SFI1: variants seen among roughly 807,000 people sequenced by gnomAD.
SFI1 encodes SFI1 centrin binding protein.
A neutral mutation model predicts 207.5 loss-of-function variants in SFI1; 195 were observed. The observed-to-expected ratio is 0.94, with a 90% CI of 0.84 to 1.06. The LOEUF (loss-of-function observed/expected upper bound fraction) is 1.06, where lower values mean the gene tolerates loss of function less well. Ranked by LOEUF, SFI1 falls within the 50% of genes least tolerant of loss-of-function variation. The pLI is 0.00. For missense variants in SFI1, 1,634 were observed against 1,588.0 expected, an observed-to-expected ratio of 1.03 and a Z score of -0.49; for synonymous variants, 630 against 598.9, an observed-to-expected ratio of 1.05 and a Z score of -0.76.
In SFI1 at chr22:31,615,196, C is replaced by T; in HGVS notation, c.3217C>T (p.Pro1073Ser). 2.5e-6 allele frequency: 4 copies of T among 1,582,646 alleles called. No individual in the cohort carries two copies. Among genetic ancestry groups the T allele is most frequent in the South Asian group, 1.1e-5 (1 of 88,974 alleles). ...GTCAAGCGCCCCTGGCCCGAAGCAGCCCCCGACGGCAAGCACAGGCCCGGA... is the reference window on the plus strand; with the variant it reads ...GTCAAGCGCCCCTGGCCCGAAGCAGTCCCCGACGGCAAGCACAGGCCCGGA... ...ALSSAPGPKQ[P>S]PTASTGPELL... The change falls in exon 29 of 33, where the codon CCC (proline) becomes TCC (serine). Residue 1073 changes from proline (P) to serine (S), a missense_variant. Transcript: ENST00000400288.
intron 8 of SFI1, among the ~76,000 whole-genome samples, chr22:31,566,394 C>A (rs1459440260): frequency 6.6e-6 from 1 of 152,116 alleles, no homozygotes; most frequent in Non-Finnish European, 1.5e-5. Flanking sequence ...TGCCCGGCCC[C>A]CAGTTTCTTT....
rs1198228561 is a variant in SFI1 at position 31,541,884 on chromosome 22, C to CCT, written c.339-4977_339-4976insCT. ...TTGGGAGGCCGAGGTGGGCGGATCA[C>CCT]GAGGTCAGGAGATCAAGACCATCCT... On this transcript the variant is annotated intron_variant, in intron 4 of 32. Transcript: ENST00000400288. Among the ~76,000 whole-genome samples, 4 of 151,494 alleles carry CCT rather than the reference C, an allele frequency of 2.6e-5. No homozygotes were observed. In the East Asian group the frequency reaches 7.8e-4, roughly 30 times the overall value.
chr22:31,572,125 G>A (rs2063013507), intron 8 of SFI1, among the ~76,000 whole-genome samples: 1 of 152,154 alleles, frequency 6.6e-6, no homozygotes, highest in African/African-American at 2.4e-5. Context: ...AGAGCCCGTG[G>A]GCAGGTGGGT....
intron 24 of SFI1, chr22:31,612,397 A>AG (rs2070430300): frequency 3.1e-5 from 3 of 98,294 alleles, no homozygotes; most frequent in Non-Finnish European, 6.0e-5. Flanking sequence ...AAAAAAAAAA[A>AG]AATATATATA....
At chr22:31,501,257 T>C (rs2053720288) in intron 1 of SFI1, among the ~76,000 whole-genome samples, 1 of 151,612 alleles carries the variant, frequency 6.6e-6, no homozygotes, top group African/African-American at 2.4e-5. Context: ...CTGCAAGTTC[T>C]GCCTCCTGGG....
intron 20 of SFI1, 115 bp downstream of exon 20, chr22:31,605,060 A>C (rs1022378056): frequency 4.7e-6 from 4 of 855,452 alleles, no homozygotes; most frequent in Middle Eastern, 3.6e-4. Flanking sequence ...CCGGGTTCCT[A>C]GTCGCTAATA....
intron 6 of SFI1, among the ~76,000 whole-genome samples, chr22:31,552,567 T>C (rs1274314463): frequency 6.6e-6 from 1 of 152,188 alleles, no homozygotes; most frequent in Admixed American, 6.5e-5. Context: ...GTATATTTTC[T>C]GTATCTGTTG....
At chr22:31,556,773 TG>T (rs2061209957) in intron 6 of SFI1, among the ~76,000 whole-genome samples, 168 bp from the exon 7 acceptor site, 1 of 152,256 alleles carries the variant, frequency 6.6e-6, no homozygotes, top group African/African-American at 2.4e-5. Context: ...AGCCTTCATG[TG>T]TTCTTGCACT....
rs1204646139 is a variant in SFI1 at position 31,617,135 on chromosome 22, A to T, written c.3512+57A>T. Reference sequence around the variant, plus strand: ...CTACAGGAGCAGGTGTTGCCTGGAGAGGTGGGCAGGCAGTTCCATTTCCCC... The same window carrying T: ...CTACAGGAGCAGGTGTTGCCTGGAGTGGTGGGCAGGCAGTTCCATTTCCCC... On this transcript the variant is annotated intron_variant, in intron 31 of 32. Transcript: ENST00000400288. 23 of 1,586,616 alleles carry T rather than the reference A, an allele frequency of 1.4e-5. 2 individuals carry two copies. The Admixed American group carries it at 3.9e-4, about 27-fold the overall frequency.
At chr22:31,577,836 C>A (rs952027953) in intron 10 of SFI1, 1 of 152,304 alleles carries the variant, frequency 6.6e-6, no homozygotes, top group Non-Finnish European at 1.5e-5. Flanking sequence ...GGAGGAGGCT[C>A]ACTTACCAGT....
chr22:31,513,599 A>T (rs1362796982), intron 2 of SFI1, among the ~76,000 whole-genome samples: 1 of 35,304 alleles, frequency 2.8e-5, no homozygotes, highest in African/African-American at 1.3e-4. Context: ...TTTATTTTAG[A>T]CAGAGTCTTG....
intron 4 of SFI1, among the ~76,000 whole-genome samples, chr22:31,534,341 A>AT (rs1241253664): frequency 6.6e-6 from 1 of 152,056 alleles, no homozygotes; most frequent in Non-Finnish European, 1.5e-5. Flanking sequence ...TTATTCACAT[A>AT]TTTACCCTAC....
rs776766118 is a variant in SFI1, at chr22:31,613,903, G to A, written c.2996+48G>A. 2.5e-5 allele frequency: 39 copies of A among 1,535,210 alleles called. No homozygotes were observed. In the South Asian group the frequency reaches 4.5e-4, roughly 18 times the overall value. On this transcript the variant is annotated intron_variant, in intron 27 of 32. Transcript: ENST00000400288. Reference sequence around the variant, plus strand: ...GTCCTCGCTTCCACCCTGGGCAAAAGGTTGGATGGCATAGCAGGGAGGAAA... The same window carrying A: ...GTCCTCGCTTCCACCCTGGGCAAAAAGTTGGATGGCATAGCAGGGAGGAAA...
intron 4 of SFI1, among the ~76,000 whole-genome samples, chr22:31,532,486 G>A (rs1283187150): frequency 1.3e-5 from 2 of 152,038 alleles, no homozygotes; most frequent in African/African-American, 2.4e-5. Context: ...GAGAATGTAA[G>A]CACTTCTTAA....
chr22:31,589,304 T>C, intron 14 of SFI1, 143 bp from the exon 15 acceptor site: 1 of 896,368 alleles, frequency 1.1e-6, no homozygotes, highest in South Asian at 2.4e-5. Flanking sequence ...ACCTAGCATA[T>C]TGGCAAAGAT....
intron 4 of SFI1, among the ~76,000 whole-genome samples, chr22:31,539,788 C>T (rs147286349): frequency 0.011 from 1,743 of 151,926 alleles, 10 homozygotes; most frequent in Middle Eastern, 0.031. Flanking sequence ...TAATCTCAGC[C>T]CACTGCAACC....
intron 8 of SFI1, among the ~76,000 whole-genome samples, chr22:31,569,625 C>T (rs2062743312): frequency 6.6e-6 from 1 of 151,970 alleles, no homozygotes; most frequent in African/African-American, 2.4e-5. Context: ...TAAAGCGAAC[C>T]AAAATGGACC....
chr22:31,498,860 C>CTTTTTTTTT (rs60377913), intron 1 of SFI1, among the ~76,000 whole-genome samples: 1 of 134,834 alleles, frequency 7.4e-6, no homozygotes, highest in Non-Finnish European at 1.6e-5. Flanking sequence ...TTCTTTTTTT[C>CTTTTTTTTT]TTTTTTTTTT....
At position 31,557,027 on chromosome 22, in the gene SFI1, A is replaced by G. The variant is rs1254292496; in HGVS notation, c.630A>G (p.Thr210=). The G allele has an allele frequency of 2.3e-5, 37 of 1,610,180 alleles. No homozygotes were observed. Among genetic ancestry groups the G allele is most frequent in the Non-Finnish European group, 3.1e-5 (37 of 1,177,510 alleles). Residue 210 remains threonine, a synonymous_variant, in exon 7 of 33, where the codon ACA becomes ACG. Transcript: ENST00000400288. ...GGACCAAACTTCAGATGCAGACTAC[A>G]GCTCTGGAGTTTAGGCAACGGATTA... The part of the protein sequence containing the change: ...VRRTKLQMQT[T]ALEFRQRIIL...
Sources: gnomAD v4.1 joint callset for allele counts (sites outside exome capture counted in the v4.1 genomes callset) on GRCh38, gnomAD v4.1.1 for gene constraint, MANE v1.5 for transcripts, NCBI Gene and HGNC (gene_info 2026-07-23, HGNC 2026-07-21) for gene names.